Variants in UST observed in about 807,000 individuals in gnomAD.
UST encodes uronyl 2-sulfotransferase, also known as chondroitin sulfate 2-O-sulfotransferase.
A neutral mutation model predicts 45.6 loss-of-function variants in UST; 21 were observed. That is an observed-to-expected ratio of 0.46 (90% CI 0.33 to 0.66). The LOEUF (loss-of-function observed/expected upper bound fraction) is 0.66, where lower values mean the gene tolerates loss of function less well. UST is among the 30% of genes least tolerant of loss of function. The pLI, the probability that UST is intolerant of heterozygous loss-of-function variation, is 0.02. For missense variants in UST, 463 were observed against 512.4 expected (o/e 0.90, Z 0.93); for synonymous variants, 215 against 200.6 (o/e 1.07, Z -0.61).
At chr6:148,961,091 CT>C (rs1350287653) in intron 4 of UST, among the ~76,000 whole-genome samples, 2 of 152,132 alleles carry the variant, frequency 1.3e-5, no homozygotes, top group African/African-American at 4.8e-5. Context: ...AAATTATTCC[CT>C]GCTGCAGAGC....
intron 7 of UST, among the ~76,000 whole-genome samples, chr6:149,029,024 T>A (rs2115024125): frequency 6.6e-6 from 1 of 152,322 alleles, no homozygotes; most frequent in South Asian, 2.1e-4. Flanking sequence ...CAGGTGGCGA[T>A]GTCTCTCCAT....
chr6:148,857,141 T>C (rs17079042), intron 1 of UST, among the ~76,000 whole-genome samples: 2,088 of 152,182 alleles, frequency 0.014, 52 homozygotes, highest in African/African-American at 0.046. Context: ...CATCTTGAAA[T>C]TGTTAAACAC....
At chr6:148,947,861 G>A (rs769881841) in intron 3 of UST, among the ~76,000 whole-genome samples, 2 of 151,472 alleles carry the variant, frequency 1.3e-5, no homozygotes, top group Non-Finnish European at 2.9e-5. Flanking sequence ...ACACAGCCCT[G>A]CAGACGTCTA....
intron 1 of UST, among the ~76,000 whole-genome samples, chr6:148,871,250 G>T (rs1323820111): frequency 2.0e-5 from 3 of 151,936 alleles, no homozygotes; most frequent in African/African-American, 7.2e-5. Context: ...ACTTGAGCAT[G>T]CCAGCAACCT....
At chr6:148,877,826 G>T (rs1243707579) in intron 1 of UST, among the ~76,000 whole-genome samples, 1 of 139,098 alleles carries the variant, frequency 7.2e-6, no homozygotes, top group Non-Finnish European at 1.5e-5. Context: ...GTGGGGTCAT[G>T]TATGAGTGCG....
At chr6:149,008,579 A>G (rs1047894435) in intron 5 of UST, among the ~76,000 whole-genome samples, 2 of 152,220 alleles carry the variant, frequency 1.3e-5, no homozygotes, top group Admixed American at 6.5e-5. Flanking sequence ...TTGGTAACTG[A>G]TAAAGTTGGG....
At chr6:148,866,844 CTG>C (rs1182533669) in intron 1 of UST, among the ~76,000 whole-genome samples, 1 of 152,146 alleles carries the variant, frequency 6.6e-6, no homozygotes, top group Non-Finnish European at 1.5e-5. Context: ...CAATTATTCT[CTG>C]TTACATGTAC....
intron 1 of UST, among the ~76,000 whole-genome samples, chr6:148,754,438 G>A (rs144275252): frequency 5.1e-4 from 78 of 152,168 alleles, no homozygotes; most frequent in African/African-American, 1.7e-3. Context: ...TCAATTTCTG[G>A]TCTTTTGTCC....
At chr6:148,753,698 T>C (rs1368493623) in intron 1 of UST, among the ~76,000 whole-genome samples, 1 of 152,164 alleles carries the variant, frequency 6.6e-6, no homozygotes, top group Non-Finnish European at 1.5e-5. Context: ...TACCTAGGAG[T>C]GGGATTGCTG....
At chr6:148,890,605 C>T (rs1459603941) in intron 2 of UST, among the ~76,000 whole-genome samples, 1 of 152,220 alleles carries the variant, frequency 6.6e-6, no homozygotes, top group Non-Finnish European at 1.5e-5. Flanking sequence ...GTTTCACATT[C>T]CACAAGTAAT....
intron 1 of UST, among the ~76,000 whole-genome samples, chr6:148,767,213 C>G (rs1449851630): frequency 6.6e-6 from 1 of 152,234 alleles, no homozygotes; most frequent in African/African-American, 2.4e-5. Flanking sequence ...CATTAAAGAT[C>G]TGTGCTATTA....
At chr6:149,066,432 G>A (rs1261076983) in intron 7 of UST, among the ~76,000 whole-genome samples, 1 of 152,028 alleles carries the variant, frequency 6.6e-6, no homozygotes. Context: ...GAGAGGGAGA[G>A]GTTGACAATG....
chr6:148,949,545 T>C (rs192565244), intron 3 of UST, among the ~76,000 whole-genome samples: 2 of 152,072 alleles, frequency 1.3e-5, no homozygotes, highest in Admixed American at 1.3e-4. Context: ...GTCCTGGATG[T>C]TATAATGGTA....
intron 5 of UST, among the ~76,000 whole-genome samples, chr6:148,996,092 G>C (rs1362238810): frequency 6.6e-6 from 1 of 152,242 alleles, no homozygotes; most frequent in African/African-American, 2.4e-5. Context: ...TATACCTTGA[G>C]TGTTGAAAGT....
intron 1 of UST, among the ~76,000 whole-genome samples, chr6:148,821,320 C>T (rs1777462750): frequency 6.6e-6 from 1 of 151,858 alleles, no homozygotes; most frequent in South Asian, 2.1e-4. Flanking sequence ...ATTACCTTGT[C>T]CCTTAATTTG....
intron 1 of UST, among the ~76,000 whole-genome samples, chr6:148,800,024 G>A (rs1308547698): frequency 1.3e-5 from 2 of 152,126 alleles, no homozygotes; most frequent in African/African-American, 4.8e-5. Context: ...CAAACCCTAA[G>A]GTGAATACGA....
intron 5 of UST, chr6:148,993,085 T>C: frequency 3.0e-6 from 3 of 985,326 alleles, no homozygotes; most frequent in Non-Finnish European, 1.2e-6. Context: ...TGTTTCTTAG[T>C]GCATTTGTTT....
At position 149,042,956 on chromosome 6, in the gene UST, TTTCTTTCTTTCTTTCTTTC is replaced by T. The variant is rs1172738695; in HGVS notation, c.937+21478_937+21496del. On this transcript the variant is annotated intron_variant, in intron 7 of 7. Transcript: ENST00000367463. The stretch of plus-strand genomic sequence containing the variant: ...CTTTCAGCTGCTCCATCACCATCCT[TTTCTTTCTTTCTTTCTTTC>T]TTTCTTTCTTTCTTTCTTTCTTTCT... 2.3e-3 allele frequency among the ~76,000 whole-genome samples: 166 copies of T among 72,594 alleles called. 1 individual carries two copies. Among genetic ancestry groups the T allele is most frequent in the Middle Eastern group, 7.1e-3 (1 of 140 alleles). 47.6% of individuals were successfully genotyped at this position (72,594 alleles called of 152,430 possible). A position where few individuals can be genotyped will look rare whatever the true frequency, so the allele number is the denominator to read the frequency against.
At position 148,748,778 on chromosome 6, in the gene UST, G is replaced by A. The variant is rs993577538; in HGVS notation, c.247+1101G>A. ...ATCTGCACGATGAGAGCGAGTGCGG[G>A]GAAGCAGAGCCACCGAAGTGCTGGA... On this transcript the variant is annotated intron_variant, in intron 1 of 7. Transcript: ENST00000367463. The surrounding 1 kb of genome is among the most constrained non-coding windows in gnomAD (Gnocchi z 5.3). 2.0e-5 allele frequency among the ~76,000 whole-genome samples: 3 copies of A among 152,146 alleles called. No homozygotes were observed. In the South Asian group the frequency reaches 6.2e-4, roughly 32 times the overall value.
Sources: allele counts gnomAD v4.1 joint callset (sites outside exome capture counted in the v4.1 genomes callset), GRCh38; gene constraint gnomAD v4.1.1; non-coding constraint Gnocchi (gnomAD v3.1); transcripts MANE v1.5; gene names NCBI Gene and HGNC (gene_info 2026-07-23, HGNC 2026-07-21).